The following C10orf90 variants were observed in gnomAD, a reference collection of about 807,000 sequenced individuals.
The protein encoded by C10orf90 is chromosome 10 open reading frame 90.
Under a neutral mutation model 62.5 loss-of-function variants are expected in C10orf90, and 56 were observed. The ratio of observed to expected loss-of-function variants is 0.90; its 90% confidence interval spans 0.72 to 1.12. The LOEUF (loss-of-function observed/expected upper bound fraction) is 1.12, where lower values mean the gene tolerates loss of function less well. C10orf90 is among the 50% of genes most tolerant of loss of function. The pLI is 0.00. For synonymous variants in C10orf90, 386 were observed against 340.4 expected, an observed-to-expected ratio of 1.13 and a Z score of -1.47; for missense variants, 970 against 880.4, an observed-to-expected ratio of 1.10 and a Z score of -1.29.
chr10:126,625,534 C>G (rs1015497138), intron 2 of C10orf90, among the ~76,000 whole-genome samples: 4 of 152,162 alleles, frequency 2.6e-5, no homozygotes, highest in Admixed American at 2.6e-4. Flanking sequence ...CACTCCTGCC[C>G]CCCTTCTCCT....
intron 1 of C10orf90, among the ~76,000 whole-genome samples, chr10:126,655,760 T>C (rs931473498): frequency 6.6e-6 from 1 of 151,576 alleles, no homozygotes; most frequent in African/African-American, 2.4e-5. Context: ...GGGAATTCAA[T>C]AGCCCACTTG....
At chr10:126,630,155 T>A (rs982117354) in intron 2 of C10orf90, among the ~76,000 whole-genome samples, 1 of 152,350 alleles carries the variant, frequency 6.6e-6, no homozygotes, top group Non-Finnish European at 1.5e-5. Context: ...GGACTATAAC[T>A]GTCCCACTTT....
chr10:126,516,046 C>T (rs1334620375), intron 2 of C10orf90, among the ~76,000 whole-genome samples: 1 of 152,210 alleles, frequency 6.6e-6, no homozygotes, highest in African/African-American at 2.4e-5. Flanking sequence ...ATCACCTGCT[C>T]TGGTCATGTG....
At chr10:126,616,633 A>T (rs1845547551) in intron 2 of C10orf90, among the ~76,000 whole-genome samples, 1 of 152,288 alleles carries the variant, frequency 6.6e-6, no homozygotes, top group East Asian at 1.9e-4. Flanking sequence ...TTTGTCTACT[A>T]ACTTAACTCT....
intron 2 of C10orf90, among the ~76,000 whole-genome samples, chr10:126,599,535 C>T (rs1845155319): frequency 6.6e-6 from 1 of 151,722 alleles, no homozygotes; most frequent in African/African-American, 2.4e-5. Flanking sequence ...AAAGGCAGAG[C>T]ATTAGGAAGG....
chr10:126,503,823 T>A, intron 4 of C10orf90, 134 bp downstream of exon 4: 1 of 1,103,222 alleles, frequency 9.1e-7, no homozygotes, highest in African/African-American at 1.6e-5. Context: ...TTGTCAACTA[T>A]GAGCAGAGCA....
chr10:126,616,993 G>A (rs1845554317), intron 2 of C10orf90, among the ~76,000 whole-genome samples: 2 of 152,066 alleles, frequency 1.3e-5, no homozygotes, highest in South Asian at 2.1e-4. Flanking sequence ...AAAAATTCCT[G>A]GACTGTGTTT....
intron 2 of C10orf90, among the ~76,000 whole-genome samples, chr10:126,543,859 C>T (rs892459285): frequency 2.0e-5 from 3 of 152,160 alleles, no homozygotes; most frequent in East Asian, 3.9e-4. Flanking sequence ...TGTGACCTCC[C>T]CTGAAAGCCT....
chr10:126,608,105 T>C (rs978829155), intron 2 of C10orf90, among the ~76,000 whole-genome samples: 12 of 152,154 alleles, frequency 7.9e-5, no homozygotes, highest in African/African-American at 2.9e-4. Flanking sequence ...TATTTATGTA[T>C]TTATTTACTT....
At chr10:126,580,358 T>C (rs1277436158) in intron 2 of C10orf90, among the ~76,000 whole-genome samples, 1 of 152,122 alleles carries the variant, frequency 6.6e-6, no homozygotes, top group African/African-American at 2.4e-5. Context: ...CAAAAACGTT[T>C]AAAAAGACAT....
chr10:126,490,882 A>G (rs1407081378), intron 4 of C10orf90, among the ~76,000 whole-genome samples: 2 of 150,570 alleles, frequency 1.3e-5, no homozygotes, highest in Admixed American at 6.6e-5. Flanking sequence ...AAAATGGGAA[A>G]AAGTACGTAA....
At chr10:126,431,794 C>CT (rs773136174) in intron 7 of C10orf90, among the ~76,000 whole-genome samples, 30 of 151,164 alleles carry the variant, frequency 2.0e-4, no homozygotes, top group African/African-American at 2.4e-4. Flanking sequence ...TCTTTTCTTT[C>CT]TTTTTTTTTC....
chr10:126,503,262 T>A (rs1384172023), intron 4 of C10orf90, among the ~76,000 whole-genome samples: 2 of 152,186 alleles, frequency 1.3e-5, no homozygotes, highest in Admixed American at 6.5e-5. Context: ...GGGCAACCCA[T>A]CCTGGGAATT....
intron 7 of C10orf90, among the ~76,000 whole-genome samples, chr10:126,437,611 A>C (rs1184810758): frequency 6.6e-6 from 1 of 152,242 alleles, no homozygotes; most frequent in East Asian, 1.9e-4. Flanking sequence ...TCAGATCCAC[A>C]ACAAATATTT....
chr10:126,582,601 G>A (rs973977228), intron 2 of C10orf90, among the ~76,000 whole-genome samples: 5 of 152,182 alleles, frequency 3.3e-5, no homozygotes, highest in Non-Finnish European at 5.9e-5. Context: ...AAAGATCCTC[G>A]ATTTGTGTGA....
At chr10:126,434,933 C>T (rs765046271) in intron 7 of C10orf90, among the ~76,000 whole-genome samples, 1 of 152,160 alleles carries the variant, frequency 6.6e-6, no homozygotes. Context: ...AATTAAACAG[C>T]ACAGGTTACA....
intron 2 of C10orf90, among the ~76,000 whole-genome samples, chr10:126,626,606 T>C (rs1320452379): frequency 6.6e-6 from 1 of 152,210 alleles, no homozygotes; most frequent in African/African-American, 2.4e-5. Context: ...GACATCACAA[T>C]TAAAATGGAT....
chr10:126,593,963 A>G (rs1475471425), intron 2 of C10orf90, among the ~76,000 whole-genome samples: 1 of 152,070 alleles, frequency 6.6e-6, no homozygotes, highest in Non-Finnish European at 1.5e-5. Context: ...AGGAGCCTCC[A>G]CAAGGGAAAG....
At chr10:126,517,585 C>T (rs149494664) in intron 2 of C10orf90, among the ~76,000 whole-genome samples, 116 of 152,238 alleles carry the variant, frequency 7.6e-4, no homozygotes, top group African/African-American at 2.4e-3. Flanking sequence ...TGACCCTCCA[C>T]GTTGAAGCAT....
Sources: allele counts gnomAD v4.1 joint callset (sites outside exome capture counted in the v4.1 genomes callset), GRCh38; gene constraint gnomAD v4.1.1; transcripts MANE v1.5; gene names NCBI Gene and HGNC (gene_info 2026-07-23, HGNC 2026-07-21).